ADAMTSL1: variants seen among roughly 807,000 people sequenced by gnomAD.
ADAMTSL1 encodes ADAMTS like 1.
A neutral mutation model predicts 201.8 loss-of-function variants in ADAMTSL1; 126 were observed. That is an observed-to-expected ratio of 0.62 (90% confidence interval 0.54 to 0.72). The LOEUF (loss-of-function observed/expected upper bound fraction) is 0.72, where lower values mean the gene tolerates loss of function less well. Ranked by LOEUF, ADAMTSL1 falls within the 30% of genes least tolerant of loss-of-function variation. The pLI is 0.00. For synonymous variants in ADAMTSL1, 1,121 were observed against 903.4 expected (o/e 1.24, Z -4.32); for missense variants, 2,679 against 2,277.8 (o/e 1.18, Z -3.59).
chr9:18,752,192 C>T (rs1002875185), intron 15 of ADAMTSL1, among the ~76,000 whole-genome samples: 2 of 151,810 alleles, frequency 1.3e-5, no homozygotes, highest in African/African-American at 2.4e-5. Flanking sequence ...CAGATTATTA[C>T]AGATATGGCT....
At chr9:18,327,910 T>G (rs1834890040) in intron 2 of ADAMTSL1, among the ~76,000 whole-genome samples, 2 of 150,498 alleles carry the variant, frequency 1.3e-5, no homozygotes, top group South Asian at 4.2e-4. Flanking sequence ...TTGTGGAAGC[T>G]CAAAGATATT....
At chr9:18,249,137 A>G (rs967889123) in intron 2 of ADAMTSL1, among the ~76,000 whole-genome samples, 7 of 152,176 alleles carry the variant, frequency 4.6e-5, no homozygotes, top group African/African-American at 1.7e-4. Context: ...TTCAGACACG[A>G]AACAAGGAAG....
Position 18,777,598 on chromosome 9 carries a change from G to C in ADAMTSL1, c.3369G>C (p.Ser1123=), listed in dbSNP as rs374327790. 4 of 1,612,722 alleles carry C rather than the reference G, an allele frequency of 2.5e-6. No homozygotes were observed. The highest frequency in any genetic ancestry group is 2.7e-5 in the African/African-American group (2 of 74,902). ...LEHQDTLLKP[S]ERRTSPVTLS... ...ACCAGGACACGCTCCTGAAGCCCTCGGAGCGCAGGACTTCCCCAGTGACTC... is the reference window on the plus strand; with the variant it reads ...ACCAGGACACGCTCCTGAAGCCCTCCGAGCGCAGGACTTCCCCAGTGACTC... Residue 1123 remains serine (S), a synonymous_variant, in exon 19 of 29, where the codon TCG becomes TCC. Coordinates refer to ENST00000380548, the MANE Select transcript of ADAMTSL1 (RefSeq NM_001040272.6).
chr9:18,473,942 C>T (rs559889398), upstream of ADAMTSL1: 418 of 395,038 alleles, frequency 1.1e-3, 1 homozygote, highest in African/African-American at 7.9e-3. Context: ...TCGTCCTTTT[C>T]CCCCTTTTTT....
intron 2 of ADAMTSL1, among the ~76,000 whole-genome samples, chr9:18,372,448 CAGAA>C (rs1429782280): frequency 6.6e-6 from 1 of 152,064 alleles, no homozygotes; most frequent in Non-Finnish European, 1.5e-5. Context: ...ATGAGAAGTA[CAGAA>C]AGAATCATCT....
At chr9:18,805,693 C>G (rs10963772) in intron 20 of ADAMTSL1, among the ~76,000 whole-genome samples, 1 of 152,042 alleles carries the variant, frequency 6.6e-6, no homozygotes, top group African/African-American at 2.4e-5. Flanking sequence ...GCCCCTGCCC[C>G]CTGCAGGCAT....
At chr9:17,965,064 C>G (rs1320518442) in intron 1 of ADAMTSL1, among the ~76,000 whole-genome samples, 1 of 151,940 alleles carries the variant, frequency 6.6e-6, no homozygotes, top group Non-Finnish European at 1.5e-5. Context: ...GATTTATTTT[C>G]TATTTAGTAT....
At chr9:18,301,692 A>G (rs1488614428) in intron 2 of ADAMTSL1, among the ~76,000 whole-genome samples, 3 of 152,152 alleles carry the variant, frequency 2.0e-5, no homozygotes, top group African/African-American at 7.2e-5. Flanking sequence ...TAAACCATGG[A>G]TAAGGAGGGA....
At chr9:18,483,636 G>A (rs1821839826) in intron 1 of ADAMTSL1, among the ~76,000 whole-genome samples, 1 of 152,060 alleles carries the variant, frequency 6.6e-6, no homozygotes, top group Non-Finnish European at 1.5e-5. Flanking sequence ...GACCATCCTC[G>A]CTAACACGGT....
At chr9:17,918,964 A>T (rs1261094112) in intron 1 of ADAMTSL1, among the ~76,000 whole-genome samples, 1 of 151,778 alleles carries the variant, frequency 6.6e-6, no homozygotes, top group Admixed American at 6.6e-5. Flanking sequence ...TCTAAAATCT[A>T]CTTTGCCTTT....
chr9:18,509,208 A>G (rs1817870731), intron 2 of ADAMTSL1, among the ~76,000 whole-genome samples: 1 of 144,790 alleles, frequency 6.9e-6, no homozygotes, highest in East Asian at 2.1e-4. Flanking sequence ...AAAAAAAAAA[A>G]AAAAAAAAAA....
intron 4 of ADAMTSL1, among the ~76,000 whole-genome samples, chr9:18,611,245 T>A (rs936256135): frequency 5.3e-5 from 8 of 152,186 alleles, no homozygotes; most frequent in African/African-American, 1.9e-4. Context: ...ACACTTTCCC[T>A]CTTGGGTACT....
intron 2 of ADAMTSL1, among the ~76,000 whole-genome samples, chr9:18,299,251 A>G (rs1460874156): frequency 2.6e-5 from 4 of 152,088 alleles, no homozygotes; most frequent in African/African-American, 4.8e-5. Context: ...GAGCCGCCAC[A>G]CTATTCTGCC....
chr9:18,095,616 G>T (rs1824217097), intron 1 of ADAMTSL1, among the ~76,000 whole-genome samples: 2 of 151,796 alleles, frequency 1.3e-5, no homozygotes, highest in Non-Finnish European at 2.9e-5. Context: ...TAGAGATGGG[G>T]TTTCGCCATG....
intron 20 of ADAMTSL1, among the ~76,000 whole-genome samples, chr9:18,814,869 C>G (rs76375070): frequency 7.2e-5 from 11 of 152,136 alleles, no homozygotes; most frequent in African/African-American, 2.2e-4. Context: ...GTGCCCCTAA[C>G]TTAATTAGTT....
intron 19 of ADAMTSL1, among the ~76,000 whole-genome samples, chr9:18,791,463 A>C (rs1237653546): frequency 6.6e-6 from 1 of 152,212 alleles, no homozygotes; most frequent in Non-Finnish European, 1.5e-5. Flanking sequence ...TCTAATTACA[A>C]GAAGAAAGCA....
intron 2 of ADAMTSL1, among the ~76,000 whole-genome samples, chr9:18,508,868 A>G (rs1337856030): frequency 1.3e-5 from 2 of 152,188 alleles, no homozygotes; most frequent in Non-Finnish European, 2.9e-5. Context: ...GGCTGGATTT[A>G]GAATGTATTT....
rs932465136 is a variant in ADAMTSL1 at position 18,666,314 on chromosome 9, A to G, written c.1085+4241A>G. Among the ~76,000 whole-genome samples, 17 of 152,312 alleles carry G rather than the reference A, an allele frequency of 1.1e-4. 1 individual carries two copies. The highest frequency in any genetic ancestry group is 3.8e-4 in the African/African-American group (16 of 41,576). On this transcript the variant is annotated intron_variant, in intron 9 of 28. Coordinates refer to ENST00000380548, the MANE Select transcript of ADAMTSL1 (RefSeq NM_001040272.6). ...TTTAATCCTTATAAGGGAAGTGAAG[A>G]GAAAGTAAAGTATAAAGATTTAATG...
intron 15 of ADAMTSL1, among the ~76,000 whole-genome samples, chr9:18,722,572 T>G (rs1367375854): frequency 1.3e-5 from 2 of 152,162 alleles, no homozygotes; most frequent in Non-Finnish European, 2.9e-5. Context: ...TTGTATTATT[T>G]CCCAGCTGGC....
Sources: gnomAD v4.1 joint callset for allele counts (sites outside exome capture counted in the v4.1 genomes callset) on GRCh38, gnomAD v4.1.1 for gene constraint, MANE v1.5 for transcripts, NCBI Gene and HGNC (gene_info 2026-07-23, HGNC 2026-07-21) for gene names.